Variants in KNDC1 observed in about 807,000 individuals in gnomAD.
KNDC1 encodes kinase non-catalytic C-lobe domain-containing protein 1.
Under a neutral mutation model 172.8 loss-of-function variants are expected in KNDC1, and 106 were observed. The observed-to-expected ratio is 0.61, with a 90% CI of 0.52 to 0.72. The LOEUF (loss-of-function observed/expected upper bound fraction) is 0.72. Among genes scored for constraint, KNDC1 ranks in the 30% least tolerant of loss-of-function variants. The pLI is 0.00. For missense variants in KNDC1, 2,325 were observed against 2,394.5 expected (o/e 0.97, Z 0.61); for synonymous variants, 1,083 against 1,062.2 (o/e 1.02, Z -0.38).
Position 133,186,222 on chromosome 10 carries a change from C to G in KNDC1, c.874C>G (p.Leu292Val), listed in dbSNP as rs1853910896. The change falls in exon 6 of 30, where the codon CTG becomes GTG. Residue 292 changes from leucine (L) to valine (V), a missense_variant. By Grantham distance (32) the Leu-to-Val change is conservative (BLOSUM62 1). Transcript: ENST00000304613. The stretch of plus-strand genomic sequence containing the variant: ...GGATGCCGAGCGCACCCTCGGGGAG[C>G]TGGACAGAGACGCCCTCAGGAGAAG... ...VLDAERTLGE[L>V]DRDALRRSRL... is the part of the protein sequence containing the mutation. The G allele has an allele frequency of 1.9e-6, 3 of 1,582,480 alleles. No individual in the cohort carries two copies. In the Admixed American group the frequency reaches 5.3e-5, roughly 28 times the overall value.
chr10:133,200,677 C>CTGGGGGTGCCCAGCCAAAGGCCGCCT (rs1479210963), intron 16 of KNDC1, among the ~76,000 whole-genome samples: 71 of 146,906 alleles, frequency 4.8e-4, no homozygotes, highest in South Asian at 3.2e-3. Context: ...AAAGGCCGTC[C>CTGGGGGTGCCCAGCCAAAGGCCGCCT]TCTCCTGGGG....
Position 133,212,728 on chromosome 10 carries a change from A to G in KNDC1, c.4249A>G (p.Arg1417Gly), listed in dbSNP as rs1234195950. ...DGISRKSFPW[R>G]LPRGNGLVLP... is the part of the protein sequence containing the mutation. The stretch of plus-strand genomic sequence containing the variant: ...GCCTGCCCTGCAGAGCTTCCCCTGG[A>G]GGCTGCCCCGAGGCAACGGGCTGGT... Residue 1417 changes from arginine (R) to glycine (G), a missense_variant, in exon 24 of 30, where the codon AGG becomes GGG. By Grantham distance (125) the Arg-to-Gly change is moderately radical (BLOSUM62 -2). Transcript: ENST00000304613. 6.2e-7 allele frequency: 1 copy of G among 1,612,736 alleles called. No homozygotes were observed. The highest frequency in any genetic ancestry group is 2.2e-5 in the East Asian group (1 of 44,870).
Position 133,226,119 on chromosome 10 carries a change from A to G in KNDC1, c.*1229A>G, listed in dbSNP as rs1845713160. 6.6e-6 allele frequency: 1 copy of G among 152,262 alleles called. No homozygotes were observed. Among genetic ancestry groups the G allele is most frequent in the South Asian group, 2.1e-4 (1 of 4,834 alleles). The allele number at this position is 152,262 out of a possible 1,614,324, so 9.4% of individuals were successfully genotyped here. ...TTTTAATGTCAAGATGTGTTTTCCC[A>G]CATAAATTCACCGGAGACATCCGGG... is the stretch of plus-strand genomic sequence containing the variant. On this transcript the variant is annotated 3_prime_UTR_variant, in exon 30 of 30. Coordinates refer to ENST00000304613, the MANE Select transcript of KNDC1 (RefSeq NM_152643.8).
chr10:133,177,744 T>C (rs965960015), intron 3 of KNDC1, among the ~76,000 whole-genome samples: 4 of 152,070 alleles, frequency 2.6e-5, no homozygotes, highest in Non-Finnish European at 5.9e-5. Flanking sequence ...ACATGAGTGT[T>C]GCATGGTGTG....
intron 3 of KNDC1, among the ~76,000 whole-genome samples, chr10:133,182,913 ATGTGGGCACGGACGG>A (rs1306729410): frequency 8.0e-4 from 84 of 104,926 alleles, no homozygotes; most frequent in African/African-American, 2.9e-3. Flanking sequence ...GGTGCGAGCA[ATGTGGGCACGGACGG>A]TGTGGGCACA....
chr10:133,182,849 G>A (rs1189860057), intron 3 of KNDC1, among the ~76,000 whole-genome samples: 1 of 152,068 alleles, frequency 6.6e-6, no homozygotes, highest in Non-Finnish European at 1.5e-5. Flanking sequence ...TGTGGGCGCA[G>A]GTGGTGTGGG....
At chr10:133,183,614 A>C in intron 4 of KNDC1, 124 bp downstream of exon 4, 1 of 1,167,778 alleles carries the variant, frequency 8.6e-7, no homozygotes, top group Non-Finnish European at 1.2e-6. Context: ...GTCTCATGGC[A>C]TGGCATTTTG....
At chr10:133,211,609 C>A in intron 22 of KNDC1, 40 bp downstream of exon 22, 1 of 1,603,050 alleles carries the variant, frequency 6.2e-7, no homozygotes, top group Non-Finnish European at 8.5e-7. Context: ...ACCCGGGGCT[C>A]CCACAGTGGG....
At chr10:133,222,278 G>A (rs930794518) in intron 29 of KNDC1, among the ~76,000 whole-genome samples, 168 of 122,514 alleles carry the variant, frequency 1.4e-3, no homozygotes, top group African/African-American at 4.2e-3. Flanking sequence ...GCGAGACTCC[G>A]TCTCAAAAAA....
chr10:133,200,271 G>C, intron 15 of KNDC1, 104 bp from the exon 16 acceptor site: 1 of 812,190 alleles, frequency 1.2e-6, no homozygotes, highest in Non-Finnish European at 1.8e-6. Flanking sequence ...CGCCTCCAGC[G>C]AGAGCTCCGC....
intron 1 of KNDC1, among the ~76,000 whole-genome samples, chr10:133,164,472 A>G (rs1853081673): frequency 6.6e-6 from 1 of 152,176 alleles, no homozygotes; most frequent in Non-Finnish European, 1.5e-5. Context: ...CTGGGCAGAC[A>G]GGTGCGCAGG....
intron 3 of KNDC1, among the ~76,000 whole-genome samples, chr10:133,181,550 G>C (rs1853716290): frequency 2.0e-5 from 3 of 152,260 alleles, no homozygotes; most frequent in Admixed American, 1.3e-4. Context: ...CCTGGCTGGT[G>C]TGCCAGGTGG....
Position 133,186,164 on chromosome 10 carries a change from C to A in KNDC1, c.816C>A (p.Ser272Arg). 6.3e-7 allele frequency: 1 copy of A among 1,580,336 alleles called. No homozygotes were observed. The highest frequency in any genetic ancestry group is 1.2e-5 in the South Asian group (1 of 86,900). ...LLSTPVRNGE[S>R]HSREGLAGLV... is the part of the protein sequence containing the mutation. Reference sequence around the variant, plus strand: ...CCACCCCGGTGAGAAATGGCGAGAGCCACAGCCGGGAGGGGCTGGCCGGCC... The same window carrying A: ...CCACCCCGGTGAGAAATGGCGAGAGACACAGCCGGGAGGGGCTGGCCGGCC... The change falls in exon 6 of 30, where the codon AGC becomes AGA. Residue 272 changes from serine to arginine, a missense_variant. Ser to Arg is a moderately radical substitution (Grantham distance 110). Coordinates refer to ENST00000304613, the MANE Select transcript of KNDC1 (RefSeq NM_152643.8).
chr10:133,177,844 TGTA>T (rs2135963140), intron 3 of KNDC1, among the ~76,000 whole-genome samples: 1 of 151,916 alleles, frequency 6.6e-6, no homozygotes, highest in South Asian at 2.1e-4. Context: ...CGTGCATGCA[TGTA>T]GTGTGTTGTC....
chr10:133,202,038 G>A (rs1178306715), intron 17 of KNDC1, 140 bp downstream of exon 17: 5 of 1,010,618 alleles, frequency 4.9e-6, no homozygotes, highest in Admixed American at 2.0e-5. Flanking sequence ...CCCCCACCCC[G>A]TGGCTGTCAA....
chr10:133,212,640 C>A, intron 23 of KNDC1, 76 bp from the exon 24 acceptor site: 5 of 1,336,044 alleles, frequency 3.7e-6, no homozygotes, highest in South Asian at 1.3e-5. Flanking sequence ...CCTCACCCCC[C>A]AACCCTGCCT....
chr10:133,214,935 C>G (rs1845444248), intron 26 of KNDC1, among the ~76,000 whole-genome samples: 2 of 152,204 alleles, frequency 1.3e-5, no homozygotes, highest in African/African-American at 4.8e-5. Flanking sequence ...TCTCAGGAGG[C>G]CAGAGTCCCC....
chr10:133,167,125 T>C (rs1853188606), intron 1 of KNDC1: 1 of 535,796 alleles, frequency 1.9e-6, no homozygotes, highest in African/African-American at 1.9e-5. Flanking sequence ...GAAGGCCCCG[T>C]GCCCAGGCTC....
chr10:133,218,798 G>A lies in KNDC1; in HGVS notation c.4678-33G>A, dbSNP rs117288983. ...TATTCCCTTTGTTCATCTTAAACCAGAAGACGCTGAATGTGTCATTTTCTT... is the reference window on the plus strand; with the variant it reads ...TATTCCCTTTGTTCATCTTAAACCAAAAGACGCTGAATGTGTCATTTTCTT... On this transcript the variant is annotated intron_variant, in intron 26 of 29. Transcript: ENST00000304613. 4.0e-4 allele frequency: 646 copies of A among 1,602,358 alleles called. 2 individuals carry two copies. The East Asian group carries it at 7.6e-3, about 19-fold the overall frequency.
Sources: gnomAD v4.1 joint callset for allele counts (sites outside exome capture counted in the v4.1 genomes callset) on GRCh38, gnomAD v4.1.1 for gene constraint, MANE v1.5 for transcripts, NCBI Gene and HGNC (gene_info 2026-07-23, HGNC 2026-07-21) for gene names.